Variants in KLF3 observed in about 807,000 individuals in gnomAD.
KLF3 encodes the protein Krueppel-like factor 3.
KLF3 carries 6 observed loss-of-function variants against 32.7 expected under a neutral mutation model. The ratio of observed to expected loss-of-function variants is 0.18; its 90% CI spans 0.10 to 0.36. The LOEUF (loss-of-function observed/expected upper bound fraction) is 0.36, where lower values mean the gene tolerates loss of function less well. Among genes scored for constraint, KLF3 ranks in the 10% least tolerant of loss-of-function variants. KLF3 has a pLI of 1.00. For missense variants in KLF3, 338 were observed against 449.7 expected, an observed-to-expected ratio of 0.75 and a Z score of 2.25; for synonymous variants, 145 against 172.8, an observed-to-expected ratio of 0.84 and a Z score of 1.26.
At chr4:38,680,515 A>G (rs368896942) in intron 1 of KLF3, 72 bp from the exon 2 acceptor site, 2 of 716,598 alleles carry the variant, frequency 2.8e-6, no homozygotes, top group South Asian at 1.5e-5. Context: ...TGCCCAGGCT[A>G]TATTTTATTT....
At chr4:38,666,475 C>T (rs992401092) in intron 1 of KLF3, among the ~76,000 whole-genome samples, 11 of 151,198 alleles carry the variant, frequency 7.3e-5, no homozygotes, top group African/African-American at 2.7e-4. Context: ...ACAGTCCTGG[C>T]TAACAAAGTA....
chr4:38,691,410 C>T (rs569957891), intron 4 of KLF3, among the ~76,000 whole-genome samples: 1 of 152,276 alleles, frequency 6.6e-6, no homozygotes, highest in South Asian at 2.1e-4. Context: ...GGCAAGGTAA[C>T]TAGCAACGTG....
Position 38,700,455 on chromosome 4 carries a change from T to C in KLF3, c.*3192T>C, listed in dbSNP as rs1052290629. On this transcript the variant is annotated 3_prime_UTR_variant, in exon 6 of 6. Transcript: ENST00000261438. The stretch of plus-strand genomic sequence containing the variant: ...TATACAGTTGTCTTGAAGGAATTGC[T>C]GTCATACATGAAGTTGCTCCGAGCT... 3 of 152,254 alleles carry C rather than the reference T, an allele frequency of 2.0e-5. No individual in the cohort carries two copies. Among genetic ancestry groups the C allele is most frequent in the Non-Finnish European group, 4.4e-5 (3 of 68,040 alleles). 9.4% of individuals were successfully genotyped at this position (152,254 alleles called of 1,614,324 possible).
chr4:38,665,078 G>A (rs1344579069), intron 1 of KLF3, among the ~76,000 whole-genome samples: 1 of 151,580 alleles, frequency 6.6e-6, no homozygotes, highest in African/African-American at 2.4e-5. Flanking sequence ...CCGGCCCTCT[G>A]GAAAGAAACT....
intron 1 of KLF3, chr4:38,664,829 A>T (rs927839776): frequency 1.3e-5 from 2 of 151,772 alleles, no homozygotes; most frequent in Non-Finnish European, 2.9e-5. Flanking sequence ...CCCGCTCACG[A>T]TTCCCTCCAA....
rs375970117 is a variant in KLF3 at position 38,697,585 on chromosome 4, T to C, written c.*322T>C. 1.3e-4 allele frequency: 31 copies of C among 236,108 alleles called. No individual in the cohort carries two copies. In the East Asian group the frequency reaches 2.4e-3, roughly 19 times the overall value. 14.6% of individuals were successfully genotyped at this position (236,108 alleles called of 1,614,324 possible). ...GTAAACTAACATAACCAATTGTCAG[T>C]TCTCCATGTATTCCTCAAAAGAATG... On this transcript the variant is annotated 3_prime_UTR_variant, in exon 6 of 6. Coordinates refer to ENST00000261438, the MANE Select transcript of KLF3 (RefSeq NM_016531.6).
chr4:38,664,844 C>G (rs1230643974), intron 1 of KLF3: 1 of 152,130 alleles, frequency 6.6e-6, no homozygotes, highest in Non-Finnish European at 1.5e-5. Context: ...CTCCAAAGCC[C>G]CAGAAATCTC....
intron 5 of KLF3, among the ~76,000 whole-genome samples, chr4:38,696,287 G>A (rs1205559831): frequency 1.3e-5 from 2 of 151,748 alleles, no homozygotes; most frequent in Non-Finnish European, 2.9e-5. Context: ...CCAAGGAATG[G>A]TAATCCCTCA....
intron 2 of KLF3, among the ~76,000 whole-genome samples, chr4:38,687,244 G>GT (rs1443590696): frequency 6.6e-6 from 1 of 152,190 alleles, no homozygotes; most frequent in Non-Finnish European, 1.5e-5. Flanking sequence ...TTTTCTGCAG[G>GT]TAAGCAGGCT....
At position 38,698,858 on chromosome 4, in the gene KLF3, A is replaced by G. The variant is rs1723123315; in HGVS notation, c.*1595A>G. 3 of 152,208 alleles carry G rather than the reference A, an allele frequency of 2.0e-5. No individual in the cohort carries two copies. The South Asian group carries it at 6.2e-4, about 31-fold the overall frequency. 9.4% of individuals were successfully genotyped at this position (152,208 alleles called of 1,614,324 possible). A position where few individuals can be genotyped will look rare whatever the true frequency, so the allele number is the denominator to read the frequency against. On this transcript the variant is annotated 3_prime_UTR_variant, in exon 6 of 6. Coordinates refer to ENST00000261438, the MANE Select transcript of KLF3 (RefSeq NM_016531.6). ...GCATATAACCAAATTCCCCTTCATC[A>G]AGAATGGAGGAGAAGAGAGAAGAAT...
At chr4:38,675,847 T>C (rs552539632) in intron 1 of KLF3, among the ~76,000 whole-genome samples, 1 of 152,334 alleles carries the variant, frequency 6.6e-6, no homozygotes, top group African/African-American at 2.4e-5. Context: ...TACCAAAGAC[T>C]GCCAAGTTTA....
intron 2 of KLF3, among the ~76,000 whole-genome samples, chr4:38,682,058 A>G (rs944298383): frequency 6.6e-6 from 1 of 152,254 alleles, no homozygotes; most frequent in Non-Finnish European, 1.5e-5. Flanking sequence ...TTATTAATCA[A>G]AAAACTAAAT....
intron 1 of KLF3, among the ~76,000 whole-genome samples, chr4:38,669,798 C>T (rs1424428600): frequency 2.9e-5 from 4 of 138,554 alleles, no homozygotes; most frequent in Non-Finnish European, 6.1e-5. Flanking sequence ...GAGGCTGAGG[C>T]AGGAGAATTG....
intron 1 of KLF3, among the ~76,000 whole-genome samples, chr4:38,670,399 A>G (rs1212965323): frequency 6.6e-6 from 1 of 152,166 alleles, no homozygotes; most frequent in Admixed American, 6.5e-5. Context: ...AGTTTGGCCA[A>G]ATCTGGACAT....
chr4:38,688,754 G>T lies in KLF3; in HGVS notation c.227G>T (p.Gly76Val), dbSNP rs1168915953. The part of the protein sequence containing the change: ...VNKRSSPPSA[G>V]NSPSSLKFPS... ...AAGCGGAGTTCACCCCCTTCGGCTG[G>T]GAATTCGCCCTCCTCTCTGAAGTTC... The change falls in exon 3 of 6, where the codon GGG (glycine) becomes GTG (valine). Residue 76 changes from glycine to valine, a missense_variant. This residue lies in a region of KLF3 where 272 missense variants were observed against 313.4 expected (regional missense o/e 0.87). Transcript: ENST00000261438. This position sits in a 1 kb window ranked among gnomAD's most constrained non-coding sequence, Gnocchi z 4.9. 1.2e-6 allele frequency: 2 copies of T among 1,614,170 alleles called. No individual in the cohort carries two copies. Among genetic ancestry groups the T allele is most frequent in the Non-Finnish European group, 1.7e-6 (2 of 1,180,034 alleles).
intron 1 of KLF3, among the ~76,000 whole-genome samples, chr4:38,678,186 G>A (rs964288710): frequency 6.6e-6 from 1 of 152,126 alleles, no homozygotes; most frequent in African/African-American, 2.4e-5. Flanking sequence ...GCTGCCACAG[G>A]GTGACCAGCC....
chr4:38,700,189 A>G lies in KLF3; in HGVS notation c.*2926A>G, dbSNP rs1429379678. 6.6e-6 allele frequency: 1 copy of G among 152,218 alleles called. No individual in the cohort carries two copies. The highest frequency in any genetic ancestry group is 1.5e-5 in the Non-Finnish European group (1 of 68,038). 9.4% of individuals were successfully genotyped at this position (152,218 alleles called of 1,614,324 possible). A position where few individuals can be genotyped will look rare whatever the true frequency, so the allele number is the denominator to read the frequency against. Reference sequence around the variant, plus strand: ...TGGAGAATGTGTTAGCAGCATAGCTATATTCAACTAGGGAGATGCTAAATA... The same window carrying G: ...TGGAGAATGTGTTAGCAGCATAGCTGTATTCAACTAGGGAGATGCTAAATA... On this transcript the variant is annotated 3_prime_UTR_variant, in exon 6 of 6. Coordinates refer to ENST00000261438, the MANE Select transcript of KLF3 (RefSeq NM_016531.6).
At chr4:38,679,232 A>G (rs187886743) in intron 1 of KLF3, among the ~76,000 whole-genome samples, 5 of 152,336 alleles carry the variant, frequency 3.3e-5, no homozygotes, top group Non-Finnish European at 7.4e-5. Flanking sequence ...GAAGTGGTGG[A>G]GGCTGTCAAG....
chr4:38,681,993 A>G (rs1722540830), intron 2 of KLF3, among the ~76,000 whole-genome samples: 1 of 152,254 alleles, frequency 6.6e-6, no homozygotes, highest in Admixed American at 6.5e-5. Flanking sequence ...ACATTCCAGC[A>G]TGATAACTGA....
Sources: gnomAD v4.1 joint callset for allele counts (sites outside exome capture counted in the v4.1 genomes callset) on GRCh38, gnomAD v4.1.1 for gene constraint, gnomAD v4.1.1 regional missense constraint, Gnocchi (gnomAD v3.1) non-coding constraint, MANE v1.5 for transcripts, NCBI Gene and HGNC (gene_info 2026-07-23, HGNC 2026-07-21) for gene names.